KCNS3: variants seen among roughly 807,000 people sequenced by gnomAD.
KCNS3 encodes the protein potassium voltage-gated channel modifier subfamily S member 3, also known as delayed-rectifier potassium channel regulatory subunit KCNS3.
In KCNS3, 13 loss-of-function variants were observed where a neutral mutation model predicts 31.0. That is an observed-to-expected ratio of 0.42 (90% CI 0.27 to 0.67). KCNS3 has a LOEUF of 0.67. Among genes scored for constraint, KCNS3 ranks in the 30% least tolerant of loss-of-function variants. The pLI, the probability that KCNS3 is intolerant of heterozygous loss-of-function variation, is 0.25. For synonymous variants in KCNS3, 238 were observed against 241.5 expected (o/e 0.99, Z 0.13); for missense variants, 545 against 622.4 (o/e 0.88, Z 1.32).
chr2:17,894,269 C>T (rs1355010441), intron 1 of KCNS3, among the ~76,000 whole-genome samples: 3 of 151,884 alleles, frequency 2.0e-5, no homozygotes. Context: ...GTACCAGGAC[C>T]GGAGCACTAT....
At chr2:17,923,423 C>T (rs1662767180) in intron 2 of KCNS3, among the ~76,000 whole-genome samples, 2 of 151,974 alleles carry the variant, frequency 1.3e-5, no homozygotes, top group African/African-American at 4.8e-5. Flanking sequence ...TCTTCATTTT[C>T]TTGATACTTG....
intron 1 of KCNS3, among the ~76,000 whole-genome samples, chr2:17,896,703 G>A (rs924196798): frequency 6.6e-6 from 1 of 150,860 alleles, no homozygotes; most frequent in Non-Finnish European, 1.5e-5. Context: ...GGTTCCTTCT[G>A]CCAGCTTCTT....
At chr2:17,895,740 T>C (rs4832514) in intron 1 of KCNS3, among the ~76,000 whole-genome samples, 25,550 of 152,080 alleles carry the variant, frequency 0.17, 2,901 homozygotes, top group East Asian at 0.43. Context: ...TGGGAAAGTT[T>C]CCTGGAAGAG....
chr2:17,887,882 T>C (rs1661718578), intron 1 of KCNS3, among the ~76,000 whole-genome samples: 1 of 152,134 alleles, frequency 6.6e-6, no homozygotes, highest in South Asian at 2.1e-4. Flanking sequence ...AGGAGTAAAG[T>C]GGTATCACAT....
chr2:17,925,309 G>T (rs1263096880), intron 2 of KCNS3, among the ~76,000 whole-genome samples: 2 of 152,156 alleles, frequency 1.3e-5, no homozygotes, highest in Non-Finnish European at 2.9e-5. Context: ...CTTTAATTCT[G>T]ATAAGAAACA....
chr2:17,904,267 G>A (rs960051152), intron 1 of KCNS3, among the ~76,000 whole-genome samples: 1 of 152,108 alleles, frequency 6.6e-6, no homozygotes, highest in African/African-American at 2.4e-5. Flanking sequence ...CTTTTGAGAA[G>A]TGTCTGTTCA....
At chr2:17,913,632 G>A (rs911233096) in intron 1 of KCNS3, among the ~76,000 whole-genome samples, 4 of 152,208 alleles carry the variant, frequency 2.6e-5, no homozygotes, top group Non-Finnish European at 5.9e-5. Context: ...AGTGTTGGGA[G>A]GGTATCCCCA....
rs990990308 is a variant in KCNS3, at chr2:17,932,645, T to C, written c.*161T>C. ...GAATTCTGAAATGATAGAATTGTCT[T>C]TATTTTTCTCTGTGAGGTCAATTAA... On this transcript the variant is annotated 3_prime_UTR_variant, in exon 3 of 3. Coordinates refer to ENST00000304101, the MANE Select transcript of KCNS3 (RefSeq NM_002252.5). 6.8e-6 allele frequency: 5 copies of C among 731,038 alleles called. No homozygotes were observed. The highest frequency in any genetic ancestry group is 3.3e-5 in the Admixed American group (1 of 29,978). 45.3% of individuals were successfully genotyped at this position (731,038 alleles called of 1,614,324 possible). A position where few individuals can be genotyped will look rare whatever the true frequency, so the allele number is the denominator to read the frequency against.
chr2:17,909,677 G>A (rs1476086831), intron 1 of KCNS3, among the ~76,000 whole-genome samples: 1 of 152,148 alleles, frequency 6.6e-6, no homozygotes, highest in Non-Finnish European at 1.5e-5. Flanking sequence ...TTTGAGTGAA[G>A]ACTTGAGGGA....
In KCNS3 at chr2:17,932,126, A is replaced by G; in HGVS notation, c.1118A>G (p.Tyr373Cys). 6 of 1,614,052 alleles carry G rather than the reference A, an allele frequency of 3.7e-6. No individual in the cohort carries two copies. Among genetic ancestry groups the G allele is most frequent in the Non-Finnish European group, 5.1e-6 (6 of 1,180,000 alleles). ...ACCATCAGCATGACAACTGTGGGCT[A>G]TGGAGACACCCACCCGGTCACCTTG... Reference protein sequence around the residue: ...WATISMTTVGYGDTHPVTLAG... With the variant: ...WATISMTTVGCGDTHPVTLAG... Residue 373 changes from tyrosine (Y) to cysteine (C), a missense_variant, in exon 3 of 3, where the codon TAT becomes TGT. Transcript: ENST00000304101.
At chr2:17,907,028 C>G (rs928070836) in intron 1 of KCNS3, among the ~76,000 whole-genome samples, 23 of 152,258 alleles carry the variant, frequency 1.5e-4, no homozygotes, top group East Asian at 3.9e-4. Context: ...AACTTTCTGT[C>G]TCGTTGATCT....
At chr2:17,912,551 C>T (rs755420332) in intron 1 of KCNS3, among the ~76,000 whole-genome samples, 6 of 152,210 alleles carry the variant, frequency 3.9e-5, no homozygotes, top group South Asian at 2.1e-4. Flanking sequence ...CACACCCTTC[C>T]GCAGGGAAGC....
chr2:17,923,910 G>C (rs561208595), intron 2 of KCNS3, among the ~76,000 whole-genome samples: 4 of 151,986 alleles, frequency 2.6e-5, no homozygotes, highest in Admixed American at 6.5e-5. Context: ...AAGGCAGCTA[G>C]GATTTTTATA....
chr2:17,929,445 G>A (rs1328637469), intron 2 of KCNS3, among the ~76,000 whole-genome samples: 3 of 152,190 alleles, frequency 2.0e-5, no homozygotes, highest in East Asian at 3.8e-4. Flanking sequence ...CAGATCTCAT[G>A]AGAACTCTGT....
intron 1 of KCNS3, among the ~76,000 whole-genome samples, chr2:17,906,696 C>T (rs931442179): frequency 1.3e-5 from 2 of 152,192 alleles, no homozygotes; most frequent in African/African-American, 4.8e-5. Flanking sequence ...ATCTTTATTT[C>T]TGCCTTCATT....
Position 17,888,649 on chromosome 2 carries a change from A to G in KCNS3, c.-252+9843A>G, listed in dbSNP as rs1355283292. 1.7e-4 allele frequency among the ~76,000 whole-genome samples: 23 copies of G among 132,076 alleles called. 2 individuals are homozygous for G. The highest frequency in any genetic ancestry group is 3.8e-4 in the African/African-American group (14 of 36,648). 86.6% of individuals were successfully genotyped at this position (132,076 alleles called of 152,430 possible). A position where few individuals can be genotyped will look rare whatever the true frequency, so the allele number is the denominator to read the frequency against. On this transcript the variant is annotated intron_variant, in intron 1 of 2. Coordinates refer to ENST00000304101, the MANE Select transcript of KCNS3 (RefSeq NM_002252.5). ...AAAATGTATATATATATATATATATATATATATATATATATATATATATAA... is the reference window on the plus strand; with the variant it reads ...AAAATGTATATATATATATATATATGTATATATATATATATATATATATAA...
chr2:17,878,113 G>C (rs1674548087), upstream of KCNS3: 1 of 152,298 alleles, frequency 6.6e-6, no homozygotes, highest in Admixed American at 6.5e-5. Flanking sequence ...CAGCGGGACC[G>C]ATGGCAAACA....
chr2:17,894,006 G>T (rs1408970582), intron 1 of KCNS3, among the ~76,000 whole-genome samples: 2 of 145,114 alleles, frequency 1.4e-5, no homozygotes, highest in Non-Finnish European at 3.0e-5. Flanking sequence ...AAGAGTACAG[G>T]ATGGACAGTT....
At chr2:17,905,552 A>G (rs1013630280) in intron 1 of KCNS3, among the ~76,000 whole-genome samples, 4 of 152,158 alleles carry the variant, frequency 2.6e-5, no homozygotes, top group Admixed American at 1.3e-4. Context: ...TTTCAAAGGG[A>G]ATGCTTCCAG....
Sources: allele counts gnomAD v4.1 joint callset (sites outside exome capture counted in the v4.1 genomes callset), GRCh38; gene constraint gnomAD v4.1.1; transcripts MANE v1.5; gene names NCBI Gene and HGNC (gene_info 2026-07-23, HGNC 2026-07-21).